USH2A: variants seen among roughly 807,000 people sequenced by gnomAD.
The protein encoded by USH2A is usherin.
Under a neutral mutation model 538.9 loss-of-function variants are expected in USH2A, and 443 were observed. That is an observed-to-expected ratio of 0.82 (90% CI 0.76 to 0.89). The LOEUF is 0.89. Among genes scored for constraint, USH2A ranks in the 40% least tolerant of loss-of-function variants. USH2A has a pLI of 0.00. For missense variants in USH2A, 6,633 were observed against 6,324.8 expected, an observed-to-expected ratio of 1.05 and a Z score of -1.65; for synonymous variants, 2,413 against 2,273.5, an observed-to-expected ratio of 1.06 and a Z score of -1.75.
At chr1:216,052,137 C>T (rs1365109675) in intron 30 of USH2A, among the ~76,000 whole-genome samples, 2 of 152,056 alleles carry the variant, frequency 1.3e-5, no homozygotes, top group Non-Finnish European at 2.9e-5. Flanking sequence ...TAAAAGCAAG[C>T]ACTGCTCATC....
chr1:216,159,774 G>A (rs1262295199), intron 21 of USH2A, among the ~76,000 whole-genome samples: 1 of 151,816 alleles, frequency 6.6e-6, no homozygotes, highest in Non-Finnish European at 1.5e-5. Flanking sequence ...TCCACCAATC[G>A]GGCCACCTTC....
At chr1:216,075,182 G>A (rs1216143763) in intron 27 of USH2A, among the ~76,000 whole-genome samples, 2 of 152,136 alleles carry the variant, frequency 1.3e-5, no homozygotes, top group Non-Finnish European at 2.9e-5. Context: ...AATGAAGTTT[G>A]TAAGCACTAA....
At chr1:216,352,242 G>A (rs1196985757) in intron 4 of USH2A, among the ~76,000 whole-genome samples, 1 of 151,936 alleles carries the variant, frequency 6.6e-6, no homozygotes, top group African/African-American at 2.4e-5. Flanking sequence ...TAAGGCTTGG[G>A]GTACCAATAC....
chr1:216,250,855 T>G (rs1428061663), intron 12 of USH2A, 48 bp downstream of exon 12: 1 of 1,590,878 alleles, frequency 6.3e-7, no homozygotes. Context: ...AGAATTTTAT[T>G]CCAGATGGTA....
chr1:215,679,828 C>T (rs749315788), intron 62 of USH2A, among the ~76,000 whole-genome samples: 2 of 152,186 alleles, frequency 1.3e-5, no homozygotes, highest in Non-Finnish European at 2.9e-5. Context: ...AATCCCAACT[C>T]AATTACTTAC....
intron 11 of USH2A, among the ~76,000 whole-genome samples, chr1:216,279,425 A>G (rs944109650): frequency 6.6e-6 from 1 of 152,024 alleles, no homozygotes; most frequent in South Asian, 2.1e-4. Flanking sequence ...GTGAGTACAC[A>G]CTCACAACTC....
intron 21 of USH2A, among the ~76,000 whole-genome samples, chr1:216,129,937 G>A (rs574516160): frequency 4.0e-4 from 61 of 152,128 alleles, no homozygotes; most frequent in African/African-American, 1.4e-3. Flanking sequence ...TGACAAAAGT[G>A]TGAACAACAT....
At chr1:215,753,275 T>G (rs373598954) in intron 58 of USH2A, among the ~76,000 whole-genome samples, 7,843 of 151,786 alleles carry the variant, frequency 0.052, 211 homozygotes, top group African/African-American at 0.084. Context: ...GATCTTGAAC[T>G]AGAAATACCA....
chr1:216,422,950 A>G (rs1011993837), intron 1 of USH2A, among the ~76,000 whole-genome samples: 2 of 152,048 alleles, frequency 1.3e-5, no homozygotes, highest in African/African-American at 4.8e-5. Context: ...TTACACATGC[A>G]CTGTACATTG....
intron 21 of USH2A, among the ~76,000 whole-genome samples, chr1:216,166,824 G>A (rs570290168): frequency 2.6e-5 from 4 of 152,214 alleles, no homozygotes; most frequent in Admixed American, 6.5e-5. Context: ...TTCTGCTGGA[G>A]GGAGGATCAG....
chr1:216,298,302 A>C (rs752311487), intron 9 of USH2A, among the ~76,000 whole-genome samples: 4 of 152,232 alleles, frequency 2.6e-5, no homozygotes, highest in Non-Finnish European at 4.4e-5. Flanking sequence ...TTAGTGGAGC[A>C]AATCCAGCAA....
At chr1:216,133,084 GA>G (rs1171830988) in intron 21 of USH2A, among the ~76,000 whole-genome samples, 2 of 152,004 alleles carry the variant, frequency 1.3e-5, no homozygotes, top group Non-Finnish European at 1.5e-5. Flanking sequence ...CAAGGTCAAA[GA>G]AGTTTAGAAA....
chr1:215,672,194 A>C (rs1189025449), intron 63 of USH2A, among the ~76,000 whole-genome samples: 1 of 152,026 alleles, frequency 6.6e-6, no homozygotes, highest in South Asian at 2.1e-4. Context: ...TCTATTCCCA[A>C]CCACCATTGA....
At chr1:216,286,546 C>G (rs1323596754) in intron 11 of USH2A, among the ~76,000 whole-genome samples, 1 of 151,886 alleles carries the variant, frequency 6.6e-6, no homozygotes, top group East Asian at 1.9e-4. Flanking sequence ...AACTCTGTCT[C>G]TACTAAAAAT....
At chr1:216,197,411 T>G (rs1041365642) in intron 18 of USH2A, among the ~76,000 whole-genome samples, 1 of 152,134 alleles carries the variant, frequency 6.6e-6, no homozygotes, top group African/African-American at 2.4e-5. Flanking sequence ...GTTTCACCCA[T>G]TACTTTTCAT....
intron 60 of USH2A, among the ~76,000 whole-genome samples, chr1:215,734,370 G>A (rs1033979099): frequency 2.0e-5 from 3 of 152,192 alleles, no homozygotes; most frequent in Admixed American, 6.5e-5. Flanking sequence ...AGGCCTCTGG[G>A]CTTGTGTTGA....
At chr1:215,899,155 A>T (rs1459519988) in intron 40 of USH2A, among the ~76,000 whole-genome samples, 1 of 152,202 alleles carries the variant, frequency 6.6e-6, no homozygotes, top group Non-Finnish European at 1.5e-5. Flanking sequence ...AAAACAATAC[A>T]TTTAATAAAC....
At chr1:215,632,947 T>A (rs929135265) in intron 70 of USH2A, among the ~76,000 whole-genome samples, 1 of 152,144 alleles carries the variant, frequency 6.6e-6, no homozygotes. Flanking sequence ...GCCTATGATA[T>A]GCCAGGCACC....
intron 1 of USH2A, among the ~76,000 whole-genome samples, chr1:216,422,955 A>G (rs1313884219): frequency 6.6e-6 from 1 of 152,208 alleles, no homozygotes; most frequent in South Asian, 2.1e-4. Flanking sequence ...CATGCACTGT[A>G]CATTGTAACC....
Sources: gnomAD v4.1 joint callset for allele counts (sites outside exome capture counted in the v4.1 genomes callset) on GRCh38, gnomAD v4.1.1 for gene constraint, MANE v1.5 for transcripts, NCBI Gene and HGNC (gene_info 2026-07-23, HGNC 2026-07-21) for gene names.